Variants in TBXAS1 observed in about 807,000 individuals in gnomAD.
TBXAS1 encodes the protein thromboxane-A synthase.
Under a neutral mutation model 60.7 loss-of-function variants are expected in TBXAS1, and 48 were observed. That is an observed-to-expected ratio of 0.79 (90% CI 0.63 to 1.01). The LOEUF is 1.01. Among genes scored for constraint, TBXAS1 ranks in the 50% least tolerant of loss-of-function variants. The pLI, the probability that TBXAS1 is intolerant of heterozygous loss-of-function variation, is 0.00. For missense variants in TBXAS1, 685 were observed against 686.3 expected, an observed-to-expected ratio of 1.00 and a Z score of 0.02; for synonymous variants, 287 against 269.7, an observed-to-expected ratio of 1.06 and a Z score of -0.63.
At chr7:140,017,909 G>C in intron 12 of TBXAS1, 76 bp downstream of exon 12, 1 of 1,602,742 alleles carries the variant, frequency 6.2e-7, no homozygotes, top group East Asian at 2.2e-5. Context: ...GTGAGAGCAG[G>C]CCAGCCTGGG....
intron 1 of TBXAS1, among the ~76,000 whole-genome samples, chr7:139,848,988 CA>C (rs1295807788): frequency 2.6e-5 from 4 of 151,662 alleles, no homozygotes; most frequent in Admixed American, 6.6e-5. Flanking sequence ...AAAACCATAA[CA>C]AAAAAATAAA....
chr7:139,947,651 G>A (rs1808843772), intron 5 of TBXAS1, among the ~76,000 whole-genome samples: 1 of 152,206 alleles, frequency 6.6e-6, no homozygotes, highest in Non-Finnish European at 1.5e-5. Flanking sequence ...TGCTTCCCAG[G>A]GTGGGGATGG....
chr7:139,828,892 T>C (rs575251906), upstream of TBXAS1, among the ~76,000 whole-genome samples: 2 of 152,344 alleles, frequency 1.3e-5, no homozygotes, highest in South Asian at 4.1e-4. Context: ...CCTGTATTTT[T>C]CTGGGATATT....
chr7:139,936,317 G>A lies in TBXAS1; in HGVS notation c.450+10G>A, dbSNP rs1162142489. On this transcript the variant is annotated intron_variant, in intron 5 of 12. Transcript: ENST00000448866. Reference sequence around the variant, plus strand: ...TGAAAAGCTGAACGAGGTAAGACATGAGAAATGCAAACTCTCTTCTCTTAC... The same window carrying A: ...TGAAAAGCTGAACGAGGTAAGACATAAGAAATGCAAACTCTCTTCTCTTAC... 4 of 1,612,854 alleles carry A rather than the reference G, an allele frequency of 2.5e-6. No individual in the cohort carries two copies. The Middle Eastern group carries it at 4.9e-4, about 200-fold the overall frequency.
chr7:139,884,241 G>C (rs1217075353), intron 3 of TBXAS1, among the ~76,000 whole-genome samples: 2 of 152,236 alleles, frequency 1.3e-5, no homozygotes, highest in Non-Finnish European at 1.5e-5. Context: ...CTCCCACCCA[G>C]TAGCACCTTC....
intron 5 of TBXAS1, among the ~76,000 whole-genome samples, chr7:139,938,207 G>A (rs1807964253): frequency 6.6e-6 from 1 of 152,158 alleles, no homozygotes; most frequent in African/African-American, 2.4e-5. Context: ...CTGATACAGT[G>A]TAGACAGCAG....
intron 4 of TBXAS1, among the ~76,000 whole-genome samples, chr7:139,801,438 A>G (rs1797720954): frequency 6.6e-6 from 1 of 150,726 alleles, no homozygotes; most frequent in African/African-American, 2.4e-5. Flanking sequence ...CTATGTCTAG[A>G]CCTTGTTTCT....
intron 7 of TBXAS1, among the ~76,000 whole-genome samples, chr7:139,956,902 G>A (rs554678535): frequency 8.5e-5 from 13 of 152,376 alleles, no homozygotes; most frequent in East Asian, 1.9e-4. Context: ...ATGGGCCTGC[G>A]CATTCTGAGA....
intron 4 of TBXAS1, among the ~76,000 whole-genome samples, chr7:139,795,512 T>G (rs1797539690): frequency 8.3e-6 from 1 of 120,914 alleles, no homozygotes; most frequent in African/African-American, 3.3e-5. Context: ...AGAAGCTCTT[T>G]AGTTTAATTA....
intron 3 of TBXAS1, among the ~76,000 whole-genome samples, chr7:139,891,506 T>C (rs992154764): frequency 5.9e-5 from 9 of 152,160 alleles, no homozygotes; most frequent in African/African-American, 2.2e-4. Flanking sequence ...GTTCTTTTTA[T>C]TAATCCAAAG....
chr7:139,941,689 G>A (rs1260821361), intron 5 of TBXAS1, among the ~76,000 whole-genome samples: 1 of 152,156 alleles, frequency 6.6e-6, no homozygotes, highest in Non-Finnish European at 1.5e-5. Flanking sequence ...ATCCCCCGAA[G>A]AATTGACGTT....
In TBXAS1 at chr7:139,916,181, C is replaced by T. The variant is rs1805952927; in HGVS notation, c.333+4860C>T. On this transcript the variant is annotated intron_variant, in intron 4 of 12. Transcript: ENST00000448866. This position sits in a 1 kb window ranked among gnomAD's most constrained non-coding sequence, Gnocchi z 4.2. ...TCTGTGGAAAATGGAGCTGAGTCCA[C>T]ATGACTCAGCAGAAATGGTCACAAC... is the stretch of plus-strand genomic sequence containing the variant. Among the ~76,000 whole-genome samples, 1 of 152,182 alleles carries T rather than the reference C, an allele frequency of 6.6e-6. No homozygotes were observed. Among genetic ancestry groups the T allele is most frequent in the Non-Finnish European group, 1.5e-5 (1 of 68,040 alleles).
chr7:139,837,258 A>G (rs1799130525), intron 1 of TBXAS1, among the ~76,000 whole-genome samples: 1 of 152,230 alleles, frequency 6.6e-6, no homozygotes. Context: ...GGGATTCCCT[A>G]AAGAACCAAA....
intron 4 of TBXAS1, among the ~76,000 whole-genome samples, chr7:139,798,292 G>T (rs1040827838): frequency 1.3e-5 from 2 of 152,134 alleles, no homozygotes; most frequent in Non-Finnish European, 2.9e-5. Flanking sequence ...GATGAGAAAT[G>T]GATGCCAAGG....
At chr7:139,811,311 G>A (rs1798017571) in intron 4 of TBXAS1, among the ~76,000 whole-genome samples, 1 of 152,248 alleles carries the variant, frequency 6.6e-6, no homozygotes, top group Admixed American at 6.5e-5. Flanking sequence ...TGAGACTCAT[G>A]AGCAAAGCCG....
chr7:139,951,593 TAAAAAAAAAAAAAAAA>T (rs66551791), intron 5 of TBXAS1, among the ~76,000 whole-genome samples: 2 of 66,296 alleles, frequency 3.0e-5, no homozygotes, highest in Non-Finnish European at 5.6e-5. Flanking sequence ...CCGTCTCTAC[TAAAAAAAAAAAAAAAA>T]AAAAAAAAAA....
chr7:139,972,940 G>A (rs2267701), intron 9 of TBXAS1, among the ~76,000 whole-genome samples: 1 of 151,976 alleles, frequency 6.6e-6, no homozygotes, highest in Non-Finnish European at 1.5e-5. Context: ...ACAGATTTGA[G>A]GGGGGACGAG....
intron 1 of TBXAS1, among the ~76,000 whole-genome samples, chr7:139,862,681 C>T (rs1801054082): frequency 7.2e-5 from 11 of 152,104 alleles, no homozygotes. Flanking sequence ...ATGGAGAAAT[C>T]AATGCAACAG....
chr7:139,981,926 A>G (rs1812007747), intron 9 of TBXAS1, among the ~76,000 whole-genome samples: 1 of 152,258 alleles, frequency 6.6e-6, no homozygotes, highest in African/African-American at 2.4e-5. Flanking sequence ...GTGATGACAG[A>G]TAGTGAATAA....
Sources: gnomAD v4.1 joint callset for allele counts (sites outside exome capture counted in the v4.1 genomes callset) on GRCh38, gnomAD v4.1.1 for gene constraint, Gnocchi (gnomAD v3.1) non-coding constraint, MANE v1.5 for transcripts, NCBI Gene and HGNC (gene_info 2026-07-23, HGNC 2026-07-21) for gene names.